MYO3B: variants seen among roughly 807,000 people sequenced by gnomAD.
MYO3B encodes myosin IIIB.
In MYO3B, 156 loss-of-function variants were observed where a neutral mutation model predicts 174.6. That is an observed-to-expected ratio of 0.89 (90% CI 0.78 to 1.02). The LOEUF (loss-of-function observed/expected upper bound fraction) is 1.02. Among genes scored for constraint, MYO3B ranks in the 50% least tolerant of loss-of-function variants. MYO3B has a pLI of 0.00. For synonymous variants in MYO3B, 563 were observed against 569.1 expected, an observed-to-expected ratio of 0.99 and a Z score of 0.15; for missense variants, 1,632 against 1,639.4, an observed-to-expected ratio of 1.00 and a Z score of 0.08.
intron 30 of MYO3B, among the ~76,000 whole-genome samples, chr2:170,530,381 T>C (rs578214981): frequency 1.3e-5 from 2 of 152,352 alleles, no homozygotes; most frequent in South Asian, 4.1e-4. Flanking sequence ...GAGAGCTCTT[T>C]GTGTCAACAA....
intron 23 of MYO3B, among the ~76,000 whole-genome samples, chr2:170,452,623 G>A (rs556289117): frequency 6.6e-6 from 1 of 152,136 alleles, no homozygotes; most frequent in African/African-American, 2.4e-5. Context: ...AATATTTTTG[G>A]CCTTTGAATT....
intron 7 of MYO3B, among the ~76,000 whole-genome samples, chr2:170,309,548 T>C (rs2093723961): frequency 6.6e-6 from 1 of 152,176 alleles, no homozygotes; most frequent in Non-Finnish European, 1.5e-5. Flanking sequence ...TGATTTGTGG[T>C]ATTTACACTT....
At chr2:170,414,736 T>C (rs527677887) in intron 22 of MYO3B, among the ~76,000 whole-genome samples, 1 of 152,234 alleles carries the variant, frequency 6.6e-6, no homozygotes, top group African/African-American at 2.4e-5. Context: ...TTTATTTGGA[T>C]CTTCTTTGAT....
intron 8 of MYO3B, among the ~76,000 whole-genome samples, chr2:170,339,312 G>A (rs1442658138): frequency 2.0e-5 from 3 of 152,222 alleles, no homozygotes; most frequent in East Asian, 1.9e-4. Flanking sequence ...GAATAAATAG[G>A]ACAAAAAGTT....
intron 7 of MYO3B, among the ~76,000 whole-genome samples, chr2:170,256,189 A>G (rs2093302889): frequency 6.6e-6 from 1 of 152,204 alleles, no homozygotes; most frequent in Non-Finnish European, 1.5e-5. Flanking sequence ...AAGGAGAGAG[A>G]GTTAGCAATT....
intron 1 of MYO3B, among the ~76,000 whole-genome samples, chr2:170,183,256 C>CA (rs143281423): frequency 0.071 from 10,564 of 149,766 alleles, 633 homozygotes; most frequent in East Asian, 0.3. Flanking sequence ...GACTCTGTCT[C>CA]AAAAAAAAAC....
intron 7 of MYO3B, among the ~76,000 whole-genome samples, chr2:170,315,029 C>T (rs2093765267): frequency 6.6e-6 from 1 of 152,192 alleles, no homozygotes; most frequent in Non-Finnish European, 1.5e-5. Flanking sequence ...ACCCAATTGA[C>T]ATTTTTAGGA....
Position 170,620,889 on chromosome 2 carries a change from A to AT in MYO3B, c.3734-30730dup, listed in dbSNP as rs202191208. 1.4e-3 allele frequency among the ~76,000 whole-genome samples: 217 copies of AT among 151,684 alleles called. 2 individuals carry two copies. Among genetic ancestry groups the AT allele is most frequent in the African/African-American group, 4.8e-3 (197 of 41,346 alleles). On this transcript the variant is annotated intron_variant, in intron 32 of 34. Coordinates refer to ENST00000408978, the MANE Select transcript of MYO3B (RefSeq NM_138995.5). ...GCCTCTCAGGGTGTTTGCCATACAAATTTTTTTTTCTTTTTTTTAGTTGGA... is the reference window on the plus strand; with the variant it reads ...GCCTCTCAGGGTGTTTGCCATACAAATTTTTTTTTTCTTTTTTTTAGTTGGA...
intron 30 of MYO3B, among the ~76,000 whole-genome samples, chr2:170,531,151 A>C (rs945712763): frequency 2.0e-5 from 3 of 152,216 alleles, no homozygotes; most frequent in Non-Finnish European, 4.4e-5. Flanking sequence ...TCAGGCAGGT[A>C]GGATGGTTTC....
chr2:170,398,228 G>GAAAAAAAAA (rs34432719), intron 16 of MYO3B, among the ~76,000 whole-genome samples: 4 of 87,946 alleles, frequency 4.5e-5, no homozygotes, highest in Admixed American at 1.4e-4. Context: ...TGTCTCAAAA[G>GAAAAAAAAA]AAAAAAAAAA....
chr2:170,290,706 T>A (rs1434379739), intron 7 of MYO3B, among the ~76,000 whole-genome samples: 3 of 152,168 alleles, frequency 2.0e-5, no homozygotes, highest in Non-Finnish European at 4.4e-5. Context: ...TAAAGACTTA[T>A]TATTGCCATT....
chr2:170,620,945 G>C (rs1362908443), intron 32 of MYO3B, among the ~76,000 whole-genome samples: 1 of 152,084 alleles, frequency 6.6e-6, no homozygotes. Flanking sequence ...TTAGAGTGCA[G>C]TGGCGGGATC....
intron 32 of MYO3B, among the ~76,000 whole-genome samples, chr2:170,615,720 T>G (rs1010759160): frequency 7.2e-5 from 11 of 152,274 alleles, no homozygotes; most frequent in Middle Eastern, 3.4e-3. Flanking sequence ...TTCCCAGGTG[T>G]ATTGGCAGGT....
chr2:170,485,011 G>A (rs1292093957), intron 25 of MYO3B, among the ~76,000 whole-genome samples: 6 of 152,062 alleles, frequency 3.9e-5, no homozygotes, highest in South Asian at 4.1e-4. Flanking sequence ...GGGTTTCTGA[G>A]TAGACAGTCT....
At chr2:170,271,002 C>T (rs1207942094) in intron 7 of MYO3B, among the ~76,000 whole-genome samples, 3 of 152,198 alleles carry the variant, frequency 2.0e-5, no homozygotes, top group Non-Finnish European at 4.4e-5. Context: ...CATTTATTAT[C>T]TAAGTTAATT....
chr2:170,642,868 A>G (rs1361764388), intron 32 of MYO3B, among the ~76,000 whole-genome samples: 3 of 152,304 alleles, frequency 2.0e-5, no homozygotes, highest in South Asian at 4.1e-4. Context: ...GCCTCAAGGC[A>G]TATTAGGGAC....
rs189827231 is a variant in MYO3B at position 170,465,538 on chromosome 2, A to G, written c.2809-968A>G. Among the ~76,000 whole-genome samples, 253 of 152,228 alleles carry G rather than the reference A, an allele frequency of 1.7e-3. 2 individuals carry two copies. The highest frequency in any genetic ancestry group is 0.015 in the Admixed American group (225 of 15,282). The stretch of plus-strand genomic sequence containing the variant: ...GAGATTTGGAGGAAACACACATCCA[A>G]ACCATATCATCCTCCTGGTAACCCT... On this transcript the variant is annotated intron_variant, in intron 24 of 34. Coordinates refer to ENST00000408978, the MANE Select transcript of MYO3B (RefSeq NM_138995.5).
intron 6 of MYO3B, among the ~76,000 whole-genome samples, chr2:170,229,281 C>G (rs1221991706): frequency 6.6e-6 from 1 of 152,168 alleles, no homozygotes; most frequent in Non-Finnish European, 1.5e-5. Flanking sequence ...CAGTCTATTG[C>G]CTGCATTTTT....
intron 32 of MYO3B, among the ~76,000 whole-genome samples, chr2:170,609,264 T>C (rs1349611298): frequency 6.6e-6 from 1 of 152,182 alleles, no homozygotes; most frequent in Non-Finnish European, 1.5e-5. Context: ...AACATTAACA[T>C]AATGGAAAAC....
Sources: allele counts gnomAD v4.1 joint callset (sites outside exome capture counted in the v4.1 genomes callset), GRCh38; gene constraint gnomAD v4.1.1; transcripts MANE v1.5; gene names NCBI Gene and HGNC (gene_info 2026-07-23, HGNC 2026-07-21).